The following KAT6B variants were observed in gnomAD, a reference collection of about 807,000 sequenced individuals.
KAT6B encodes the protein lysine acetyltransferase 6B.
Under a neutral mutation model 187.5 loss-of-function variants are expected in KAT6B, and 10 were observed. The ratio of observed to expected loss-of-function variants is 0.05; its 90% CI spans 0.03 to 0.09. The LOEUF (loss-of-function observed/expected upper bound fraction) is 0.09, where lower values mean the gene tolerates loss of function less well. KAT6B is among the 10% of genes least tolerant of loss of function. The pLI is 1.00. For missense variants in KAT6B, 1,952 were observed against 2,558.9 expected, an observed-to-expected ratio of 0.76 and a Z score of 5.12; for synonymous variants, 861 against 926.8, an observed-to-expected ratio of 0.93 and a Z score of 1.29.
Position 75,029,092 on chromosome 10 carries a change from A to T in KAT6B, c.4268A>T (p.Asp1423Val), listed in dbSNP as rs1268533537. 1 of 1,614,192 alleles carries T rather than the reference A, an allele frequency of 6.2e-7. No individual in the cohort carries two copies. Among genetic ancestry groups the T allele is most frequent in the Non-Finnish European group, 8.5e-7 (1 of 1,180,030 alleles). The change falls in exon 18 of 18, where the codon GAC (aspartate) becomes GTC (valine). Residue 1423 changes from aspartate (D) to valine (V), a missense_variant. Physicochemically the swap from Asp to Val is radical, Grantham distance 152. This residue lies in a region of KAT6B where 758 missense variants were observed against 891.4 expected (regional missense o/e 0.85). Transcript: ENST00000287239. This position sits in a 1 kb window ranked among gnomAD's most constrained non-coding sequence, Gnocchi z 6.2. ...GATGAAGAGCCATCCCACAACGAGG[A>T]CCATGATGCCGATGACGAGGATGAC... is the stretch of plus-strand genomic sequence containing the variant. ...EEDEEPSHNE[D>V]HDADDEDDSH... is the part of the protein sequence containing the mutation.
At chr10:74,987,694 G>C (rs1266476321) in intron 12 of KAT6B, among the ~76,000 whole-genome samples, 3 of 152,198 alleles carry the variant, frequency 2.0e-5, no homozygotes, top group Admixed American at 2.0e-4. Flanking sequence ...TTAGAATTTA[G>C]CTGTAGTAAC....
intron 4 of KAT6B, among the ~76,000 whole-genome samples, chr10:74,960,689 T>G (rs1188349201): frequency 6.6e-6 from 1 of 152,210 alleles, no homozygotes; most frequent in Non-Finnish European, 1.5e-5. Context: ...GTTAGTTACT[T>G]GATCATTCTG....
intron 3 of KAT6B, among the ~76,000 whole-genome samples, chr10:74,845,042 C>T (rs1019018170): frequency 4.0e-5 from 6 of 151,804 alleles, no homozygotes; most frequent in Admixed American, 6.6e-5. Flanking sequence ...CATAGTAAGA[C>T]CCCTGTCTCT....
chr10:74,940,525 C>G (rs937493550), intron 3 of KAT6B, among the ~76,000 whole-genome samples: 1 of 151,488 alleles, frequency 6.6e-6, no homozygotes, highest in Non-Finnish European at 1.5e-5. Flanking sequence ...TCGCCCGCCT[C>G]AGCCTCCCAG....
chr10:74,865,352 A>T (rs1044371613), intron 3 of KAT6B, among the ~76,000 whole-genome samples: 2 of 152,142 alleles, frequency 1.3e-5, no homozygotes, highest in Non-Finnish European at 2.9e-5. Flanking sequence ...GTATGCTGTA[A>T]ATATGAGTTT....
In KAT6B at chr10:75,030,502, C is replaced by T. The variant is rs1270159422; in HGVS notation, c.5678C>T (p.Pro1893Leu). The change falls in exon 18 of 18, where the codon CCG (proline) becomes CTG (leucine). Residue 1893 changes from proline (P) to leucine (L), a missense_variant. Physicochemically the swap from Pro to Leu is moderately conservative, Grantham distance 98 (BLOSUM62 -3). Coordinates refer to ENST00000287239, the MANE Select transcript of KAT6B (RefSeq NM_012330.4). This position sits in a 1 kb window ranked among gnomAD's most constrained non-coding sequence, Gnocchi z 4.8. ...NLTPPPMNLPPPLLQRNMAAS... is the reference protein window; with the variant it reads ...NLTPPPMNLPLPLLQRNMAAS... ...ACTCCTCCTCCAATGAATCTGCCGC[C>T]GCCTCTTTTGCAACGGAACATGGCT... The T allele has an allele frequency of 6.8e-6, 11 of 1,611,352 alleles. No homozygotes were observed. The highest frequency in any genetic ancestry group is 8.5e-6 in the Non-Finnish European group (10 of 1,177,888).
At chr10:74,963,794 A>C (rs1010707049) in intron 4 of KAT6B, among the ~76,000 whole-genome samples, 1 of 152,034 alleles carries the variant, frequency 6.6e-6, no homozygotes, top group Non-Finnish European at 1.5e-5. Flanking sequence ...TGGAAAGAAG[A>C]CTCTTGACTA....
chr10:74,945,366 G>A (rs528452214), intron 3 of KAT6B, among the ~76,000 whole-genome samples: 43 of 152,316 alleles, frequency 2.8e-4, no homozygotes, highest in African/African-American at 1.0e-3. Flanking sequence ...GGTCTGAAAA[G>A]GGAAGAGAAT....
chr10:74,853,397 CA>C (rs1842613098), intron 3 of KAT6B, among the ~76,000 whole-genome samples: 1 of 151,060 alleles, frequency 6.6e-6, no homozygotes, highest in African/African-American at 2.4e-5. Context: ...TCAAATGATC[CA>C]TCCTCCCACC....
chr10:75,031,145 G>T lies in KAT6B; in HGVS notation c.*99G>T. 7.4e-7 allele frequency: 1 copy of T among 1,344,316 alleles called. No individual in the cohort carries two copies. The highest frequency in any genetic ancestry group is 1.0e-6 in the Non-Finnish European group (1 of 963,152). 83.3% of individuals were successfully genotyped at this position (1,344,316 alleles called of 1,614,324 possible). ...CGATTTCAAAACCAGCAATTGGTGT[G>T]AATGCAAAAACATTTGTTGGCACCA... On this transcript the variant is annotated 3_prime_UTR_variant, in exon 18 of 18. Transcript: ENST00000287239.
At chr10:74,886,994 G>C (rs1424507819) in intron 3 of KAT6B, among the ~76,000 whole-genome samples, 13 of 152,200 alleles carry the variant, frequency 8.5e-5, no homozygotes, top group Non-Finnish European at 2.9e-5. Context: ...GCAGAATGCA[G>C]AGGAATCAAA....
chr10:74,972,251 T>G (rs1841896153), intron 6 of KAT6B, among the ~76,000 whole-genome samples: 1 of 152,098 alleles, frequency 6.6e-6, no homozygotes, highest in African/African-American at 2.4e-5. Context: ...GGTGAGAGGC[T>G]TAATGACATG....
intron 13 of KAT6B, among the ~76,000 whole-genome samples, chr10:75,004,978 G>A (rs1008743816): frequency 1.3e-5 from 2 of 151,934 alleles, no homozygotes; most frequent in African/African-American, 2.4e-5. Flanking sequence ...GCCTCCCAAG[G>A]CACTGGGATT....
chr10:74,919,907 ATAGTT>A (rs1847987640), intron 3 of KAT6B, among the ~76,000 whole-genome samples: 1 of 152,076 alleles, frequency 6.6e-6, no homozygotes, highest in Non-Finnish European at 1.5e-5. Context: ...GTCATCTTTT[ATAGTT>A]TATAGTTCCC....
rs762581068 is a variant in KAT6B, at chr10:75,025,239, C to T, written c.3654C>T (p.Asp1218=). ...GKDNHCFKNA[D]PCRNNMNDDS... The stretch of plus-strand genomic sequence containing the variant: ...ACAATCATTGCTTCAAGAATGCTGA[C>T]CCTTGTAGAAGTAAGTAGAGGAATG... The change falls in exon 17 of 18, where the codon GAC becomes GAT. Residue 1218 remains aspartate (D), a synonymous_variant. Coordinates refer to ENST00000287239, the MANE Select transcript of KAT6B (RefSeq NM_012330.4). The T allele has an allele frequency of 6.2e-7, 1 of 1,614,084 alleles. No individual in the cohort carries two copies. Among genetic ancestry groups the T allele is most frequent in the Admixed American group, 1.7e-5 (1 of 60,028 alleles).
At chr10:74,841,312 C>T (rs1841726978) in intron 2 of KAT6B, among the ~76,000 whole-genome samples, 1 of 152,150 alleles carries the variant, frequency 6.6e-6, no homozygotes, top group Non-Finnish European at 1.5e-5. Flanking sequence ...GTGGCTTACA[C>T]CTATAATCCT....
In KAT6B at chr10:75,021,873, C is replaced by T; in HGVS notation, c.3022-8C>T. 2 of 1,614,130 alleles carry T rather than the reference C, an allele frequency of 1.2e-6. No individual in the cohort carries two copies. The highest frequency in any genetic ancestry group is 2.2e-5 in the South Asian group (2 of 91,046). On this transcript the variant is annotated splice_polypyrimidine_tract_variant and splice_region_variant and intron_variant, in intron 15 of 17. Transcript: ENST00000287239. ...TCACTGGCCACCATTTTTACCCTCC[C>T]CACTTAGGCTGAGCGGCTAATGGAA...
At chr10:75,002,573 T>G (rs942612500) in intron 13 of KAT6B, among the ~76,000 whole-genome samples, 5 of 152,344 alleles carry the variant, frequency 3.3e-5, no homozygotes, top group African/African-American at 4.8e-5. Context: ...GTCTATAGGT[T>G]ACTACACACC....
chr10:74,971,190 C>G (rs1260772870), intron 6 of KAT6B, among the ~76,000 whole-genome samples: 1 of 152,142 alleles, frequency 6.6e-6, no homozygotes, highest in Non-Finnish European at 1.5e-5. Flanking sequence ...TTTAACCAGT[C>G]CCTTAGGGTG....
Sources: gnomAD v4.1 joint callset for allele counts (sites outside exome capture counted in the v4.1 genomes callset) on GRCh38, gnomAD v4.1.1 for gene constraint, gnomAD v4.1.1 regional missense constraint, Gnocchi (gnomAD v3.1) non-coding constraint, MANE v1.5 for transcripts, NCBI Gene and HGNC (gene_info 2026-07-23, HGNC 2026-07-21) for gene names.